RPA3: variants seen among roughly 807,000 people sequenced by gnomAD.
The protein encoded by RPA3 is replication protein A 14 kDa subunit.
In RPA3, 24 loss-of-function variants were observed where a neutral mutation model predicts 13.7. The observed-to-expected ratio is 1.75, with a 90% confidence interval of 1.27 to 2.46. The LOEUF is 2.46. Among genes scored for constraint, RPA3 ranks in the 30% most tolerant of loss-of-function variants. The probability of loss-of-function intolerance (pLI) is 0.00; values close to 1 mark genes in which losing one functional copy is unlikely to be tolerated. For missense variants in RPA3, 183 were observed against 151.0 expected (o/e 1.21, Z -1.11); for synonymous variants, 59 against 51.2 (o/e 1.15, Z -0.65).
chr7:7,683,533 A>G (rs1334404168), intron 4 of RPA3, among the ~76,000 whole-genome samples: 1 of 152,226 alleles, frequency 6.6e-6, no homozygotes, highest in Non-Finnish European at 1.5e-5. Context: ...ATTTCTGGGT[A>G]ATTACATTTC....
In RPA3 at chr7:7,646,062, C is replaced by T. The variant is rs773942198; in HGVS notation, c.-757-4887G>A. On this transcript the variant is annotated intron_variant, in intron 4 of 7. Coordinates refer to ENST00000223129, the MANE Select transcript of RPA3 (RefSeq NM_002947.5). ...GGGTGAGTGATTTGGGCCTCCAGCC[C>T]CATGGCAGTGTCTAGGGGCGTTACA... 2.0e-5 allele frequency among the ~76,000 whole-genome samples: 3 copies of T among 152,094 alleles called. No homozygotes were observed. The South Asian group carries it at 6.2e-4, about 32-fold the overall frequency.
chr7:7,637,620 T>G (rs527958738), intron 7 of RPA3, among the ~76,000 whole-genome samples: 3 of 150,974 alleles, frequency 2.0e-5, no homozygotes, highest in Non-Finnish European at 4.4e-5. Context: ...ATGTAATACA[T>G]ACAATTTTGT....
chr7:7,684,408 C>T (rs887794868), intron 4 of RPA3, among the ~76,000 whole-genome samples: 2 of 151,956 alleles, frequency 1.3e-5, no homozygotes, highest in African/African-American at 2.4e-5. Context: ...GGGGTTTCAC[C>T]ATGTTGGCCA....
chr7:7,649,192 A>AAAGAG (rs1395031665), intron 4 of RPA3, among the ~76,000 whole-genome samples: 1 of 151,808 alleles, frequency 6.6e-6, no homozygotes, highest in Non-Finnish European at 1.5e-5. Context: ...AAAGAAAAGA[A>AAAGAG]TAAAAAAGGA....
rs191975870 is a variant in RPA3, at chr7:7,686,403, T to A, written c.-926-405A>T. 3.9e-4 allele frequency among the ~76,000 whole-genome samples: 60 copies of A among 152,312 alleles called. 1 individual carries two copies. Among genetic ancestry groups the A allele is most frequent in the Admixed American group, 1.2e-3 (19 of 15,302 alleles). The stretch of plus-strand genomic sequence containing the variant: ...AGACCATTTTAAAGCAGTAAAGTTA[T>A]GGGTTTTGTTTTTTTGTATTTTTTA... On this transcript the variant is annotated intron_variant, in intron 3 of 7. Transcript: ENST00000223129.
intron 2 of RPA3, among the ~76,000 whole-genome samples, chr7:7,694,801 G>T (rs1780268405): frequency 6.6e-6 from 1 of 152,098 alleles, no homozygotes; most frequent in Non-Finnish European, 1.5e-5. Flanking sequence ...TAGATACTTA[G>T]GTTGATTCCA....
chr7:7,673,593 C>A, intron 4 of RPA3: 2 of 604,736 alleles, frequency 3.3e-6, no homozygotes, highest in Non-Finnish European at 2.9e-6. Context: ...AGCGTAAAAT[C>A]TGTAAAGATG....
intron 4 of RPA3, among the ~76,000 whole-genome samples, chr7:7,682,463 C>G (rs1214957692): frequency 1.3e-5 from 2 of 152,100 alleles, no homozygotes; most frequent in Admixed American, 6.6e-5. Context: ...TAAAGGTAGT[C>G]TCTTCATCGC....
At chr7:7,681,177 A>G (rs375230181) in intron 4 of RPA3, among the ~76,000 whole-genome samples, 9 of 152,140 alleles carry the variant, frequency 5.9e-5, no homozygotes, top group African/African-American at 2.2e-4. Flanking sequence ...GGCCTTTATA[A>G]CCCATTTCTA....
Position 7,636,998 on chromosome 7 carries a change from G to C in RPA3, c.*2C>G, listed in dbSNP as rs1199735608. The C allele has an allele frequency of 2.5e-6, 4 of 1,600,516 alleles. No individual in the cohort carries two copies. Among genetic ancestry groups the C allele is most frequent in the African/African-American group, 1.3e-5 (1 of 74,610 alleles). On this transcript the variant is annotated 3_prime_UTR_variant, in exon 8 of 8. Transcript: ENST00000223129. Reference sequence around the variant, plus strand: ...TTACAATCGTATGAAAATCCATCAAGATCAATCATGTTGCACAATCCCTAA... The same window carrying C: ...TTACAATCGTATGAAAATCCATCAACATCAATCATGTTGCACAATCCCTAA...
At chr7:7,680,933 GT>G (rs753426747) in intron 4 of RPA3, among the ~76,000 whole-genome samples, 1 of 151,772 alleles carries the variant, frequency 6.6e-6, no homozygotes, top group African/African-American at 2.4e-5. Context: ...AGTTCTGATA[GT>G]TTTTTTAGTT....
At chr7:7,670,396 A>G (rs1779576968) in intron 4 of RPA3, among the ~76,000 whole-genome samples, 1 of 152,204 alleles carries the variant, frequency 6.6e-6, no homozygotes, top group East Asian at 1.9e-4. Flanking sequence ...GGCATGTGGC[A>G]CAGTGAACAA....
At chr7:7,647,639 C>T (rs1412096002) in intron 4 of RPA3, among the ~76,000 whole-genome samples, 1 of 152,162 alleles carries the variant, frequency 6.6e-6, no homozygotes, top group African/African-American at 2.4e-5. Flanking sequence ...ACAGGGTCTT[C>T]CTCTGTTGCT....
Position 7,637,904 on chromosome 7 carries a change from A to G in RPA3, c.243T>C (p.Cys81=). The G allele has an allele frequency of 6.2e-7, 1 of 1,613,730 alleles. No homozygotes were observed. Among genetic ancestry groups the G allele is most frequent in the East Asian group, 2.2e-5 (1 of 44,778 alleles). ...GRVTAKATIL[C]TSYVQFKEDS... Reference sequence around the variant, plus strand: ...CTTCTTTAAACTGGACATAAGATGTACACAAGATGGTGGCCTTGGCGGTTA... The same window carrying G: ...CTTCTTTAAACTGGACATAAGATGTGCACAAGATGGTGGCCTTGGCGGTTA... Residue 81 remains cysteine (C), a synonymous_variant, in exon 7 of 8, where the codon TGT becomes TGC. Coordinates refer to ENST00000223129, the MANE Select transcript of RPA3 (RefSeq NM_002947.5).
chr7:7,655,088 G>A (rs1448740665), intron 4 of RPA3, among the ~76,000 whole-genome samples: 2 of 152,090 alleles, frequency 1.3e-5, no homozygotes, highest in Non-Finnish European at 2.9e-5. Flanking sequence ...TATAGTAACA[G>A]CAATGATTCC....
At chr7:7,681,644 C>A (rs533427172) in intron 4 of RPA3, among the ~76,000 whole-genome samples, 1 of 152,046 alleles carries the variant, frequency 6.6e-6, no homozygotes, top group Admixed American at 6.6e-5. Flanking sequence ...TCATTTTACA[C>A]AAAAACAAAT....
At chr7:7,709,848 A>G (rs1300769591) in intron 2 of RPA3, among the ~76,000 whole-genome samples, 1 of 152,126 alleles carries the variant, frequency 6.6e-6, no homozygotes, top group Non-Finnish European at 1.5e-5. Flanking sequence ...GTACCCACCA[A>G]TTGGTTTAAG....
chr7:7,650,484 C>T (rs1454843175), intron 4 of RPA3, among the ~76,000 whole-genome samples: 1 of 152,136 alleles, frequency 6.6e-6, no homozygotes, highest in Non-Finnish European at 1.5e-5. Context: ...TGTGATTTTG[C>T]TGTAGGCTTA....
chr7:7,706,570 A>G (rs1190764025), intron 2 of RPA3, among the ~76,000 whole-genome samples: 1 of 152,224 alleles, frequency 6.6e-6, no homozygotes, highest in Non-Finnish European at 1.5e-5. Context: ...AAAAATGAGG[A>G]ATACAAAACT....
Sources: allele counts gnomAD v4.1 joint callset (sites outside exome capture counted in the v4.1 genomes callset), GRCh38; gene constraint gnomAD v4.1.1; transcripts MANE v1.5; gene names NCBI Gene and HGNC (gene_info 2026-07-23, HGNC 2026-07-21).